Variants in WDR72 observed in about 807,000 individuals in gnomAD.
The protein encoded by WDR72 is WD repeat domain 72, also known as WD repeat-containing protein 72.
WDR72 carries 120 observed loss-of-function variants against 124.2 expected under a neutral mutation model. The observed-to-expected ratio is 0.97, with a 90% CI of 0.83 to 1.12. The LOEUF is 1.12. WDR72 is among the 50% of genes most tolerant of loss of function. WDR72 has a pLI of 0.00. For missense variants in WDR72, 1,387 were observed against 1,278.8 expected (o/e 1.08, Z -1.29); for synonymous variants, 452 against 441.7 (o/e 1.02, Z -0.29).
intron 9 of WDR72, among the ~76,000 whole-genome samples, chr15:53,709,677 A>G (rs1273872693): frequency 6.6e-6 from 1 of 152,190 alleles, no homozygotes; most frequent in African/African-American, 2.4e-5. Context: ...ACAGGAACCT[A>G]TTACTGCCCA....
At chr15:53,527,031 G>A (rs1044350589) in intron 18 of WDR72, among the ~76,000 whole-genome samples, 3 of 152,006 alleles carry the variant, frequency 2.0e-5, no homozygotes, top group Non-Finnish European at 2.9e-5. Flanking sequence ...TATGAACTTC[G>A]TATGGATGTG....
At chr15:53,736,998 A>AACAC (rs67659814) in intron 1 of WDR72, among the ~76,000 whole-genome samples, 10,678 of 141,006 alleles carry the variant, frequency 0.076, 467 homozygotes, top group South Asian at 0.11. Flanking sequence ...GTAGATGTAA[A>AACAC]ACACACACAC....
chr15:53,632,813 C>T (rs966812138), intron 14 of WDR72, among the ~76,000 whole-genome samples: 15 of 152,316 alleles, frequency 9.8e-5, no homozygotes, highest in African/African-American at 2.6e-4. Context: ...GTATGGGACC[C>T]GTAGTCCCTT....
At chr15:53,541,373 G>A (rs926198378) in intron 18 of WDR72, among the ~76,000 whole-genome samples, 1 of 152,030 alleles carries the variant, frequency 6.6e-6, no homozygotes, top group Non-Finnish European at 1.5e-5. Flanking sequence ...GCACCCCCCA[G>A]CAGGGGCACA....
chr15:53,548,520 C>A (rs1893587696), intron 18 of WDR72, among the ~76,000 whole-genome samples: 1 of 152,090 alleles, frequency 6.6e-6, no homozygotes, highest in African/African-American at 2.4e-5. Flanking sequence ...AGGCATTAAT[C>A]TTTGATAAGC....
chr15:53,643,908 CAA>C (rs972295655), intron 14 of WDR72, among the ~76,000 whole-genome samples: 2 of 151,958 alleles, frequency 1.3e-5, no homozygotes, highest in South Asian at 2.1e-4. Context: ...ACAAAATGTA[CAA>C]AAGACTATTT....
intron 12 of WDR72, among the ~76,000 whole-genome samples, chr15:53,701,231 C>A (rs1308785160): frequency 6.6e-6 from 1 of 151,990 alleles, no homozygotes; most frequent in African/African-American, 2.4e-5. Flanking sequence ...AATGAATAAG[C>A]AAATAAAAAC....
intron 18 of WDR72, among the ~76,000 whole-genome samples, chr15:53,551,256 A>G (rs1893717117): frequency 6.6e-6 from 1 of 152,070 alleles, no homozygotes; most frequent in Non-Finnish European, 1.5e-5. Flanking sequence ...GAGAGGAGAG[A>G]GGTCAAACCA....
At chr15:53,656,374 T>A (rs989857892) in intron 14 of WDR72, among the ~76,000 whole-genome samples, 2 of 152,210 alleles carry the variant, frequency 1.3e-5, no homozygotes, top group Non-Finnish European at 2.9e-5. Context: ...TGTATTTTTT[T>A]AATAAGTTCA....
At chr15:53,701,559 T>TCTCTCTCTCTCTCACACACACA (rs369568228) in intron 12 of WDR72, among the ~76,000 whole-genome samples, 20 of 120,162 alleles carry the variant, frequency 1.7e-4, no homozygotes, top group Middle Eastern at 4.3e-3. Context: ...TCTCTCTCTC[T>TCTCTCTCTCTCTCACACACACA]CACACACACA....
intron 14 of WDR72, among the ~76,000 whole-genome samples, chr15:53,664,219 A>G (rs1302859735): frequency 6.6e-6 from 1 of 152,128 alleles, no homozygotes; most frequent in African/African-American, 2.4e-5. Flanking sequence ...CCATCAAGGC[A>G]CCCTGTATTA....
intron 9 of WDR72, among the ~76,000 whole-genome samples, chr15:53,706,350 GTATATATATATATA>G (rs56246540): frequency 1.2e-4 from 3 of 25,760 alleles, no homozygotes; most frequent in African/African-American, 2.9e-4. Flanking sequence ...GTGTGTGTGT[GTATATATATATATA>G]TATATATATA....
chr15:53,539,903 T>C (rs191694447), intron 18 of WDR72, among the ~76,000 whole-genome samples: 2 of 151,822 alleles, frequency 1.3e-5, no homozygotes, highest in East Asian at 3.9e-4. Flanking sequence ...AAAAGATACA[T>C]CAAAAACAAA....
chr15:53,600,514 G>A (rs2012997971), intron 17 of WDR72, among the ~76,000 whole-genome samples: 1 of 152,138 alleles, frequency 6.6e-6, no homozygotes, highest in Non-Finnish European at 1.5e-5. Flanking sequence ...GAAAGAGTCA[G>A]CTACAAATCT....
At chr15:53,525,516 T>C (rs917683727) in intron 18 of WDR72, among the ~76,000 whole-genome samples, 3 of 152,044 alleles carry the variant, frequency 2.0e-5, no homozygotes. Flanking sequence ...ATTCAGAAGA[T>C]ACTGTTCTAA....
intron 18 of WDR72, among the ~76,000 whole-genome samples, chr15:53,526,121 A>G (rs1396049913): frequency 6.6e-6 from 1 of 152,046 alleles, no homozygotes; most frequent in African/African-American, 2.4e-5. Context: ...TATTATGGGT[A>G]GAGCTCTGTG....
intron 11 of WDR72, among the ~76,000 whole-genome samples, chr15:53,703,472 A>G (rs902056846): frequency 1.3e-5 from 2 of 151,038 alleles, no homozygotes; most frequent in African/African-American, 4.9e-5. Flanking sequence ...ATATGTCACC[A>G]CATCTAGTTG....
upstream of WDR72, among the ~76,000 whole-genome samples, chr15:53,762,082 C>G (rs2019072248): frequency 6.6e-6 from 1 of 151,950 alleles, no homozygotes; most frequent in Non-Finnish European, 1.5e-5. Flanking sequence ...GCTCCTTAGT[C>G]TTGGATTCTA....
At chr15:53,707,697 C>T (rs1177467743) in intron 9 of WDR72, among the ~76,000 whole-genome samples, 6 of 152,140 alleles carry the variant, frequency 3.9e-5, no homozygotes, top group Admixed American at 1.3e-4. Context: ...CCACCCACCT[C>T]GGCCTCCCAA....
Sources: allele counts gnomAD v4.1 joint callset (sites outside exome capture counted in the v4.1 genomes callset), GRCh38; gene constraint gnomAD v4.1.1; transcripts MANE v1.5; gene names NCBI Gene and HGNC (gene_info 2026-07-23, HGNC 2026-07-21).